AIM2: variants seen among roughly 807,000 people sequenced by gnomAD.
The protein encoded by AIM2 is absent in melanoma 2, also known as interferon-inducible protein AIM2.
A neutral mutation model predicts 27.7 loss-of-function variants in AIM2; 30 were observed. The ratio of observed to expected loss-of-function variants is 1.08; its 90% CI spans 0.81 to 1.47. The LOEUF is 1.47. AIM2 is among the 40% of genes most tolerant of loss of function. The pLI is 0.00. For missense variants in AIM2, 358 were observed against 411.3 expected (o/e 0.87, Z 1.12); for synonymous variants, 141 against 145.3 (o/e 0.97, Z 0.21).
At chr1:159,134,272 G>C (rs1035363724) in intron 1 of AIM2, among the ~76,000 whole-genome samples, 2 of 152,134 alleles carry the variant, frequency 1.3e-5, no homozygotes, top group South Asian at 4.1e-4. Context: ...AACAACCTCT[G>C]GTGGTAACTT....
chr1:159,122,605 G>C (rs1647566211), intron 1 of AIM2, among the ~76,000 whole-genome samples: 1 of 152,130 alleles, frequency 6.6e-6, no homozygotes, highest in South Asian at 2.1e-4. Context: ...GGATCCACTT[G>C]TTCAGAAAAA....
intron 1 of AIM2, among the ~76,000 whole-genome samples, chr1:159,140,193 AG>A (rs1357606710): frequency 6.6e-6 from 1 of 152,190 alleles, no homozygotes; most frequent in Non-Finnish European, 1.5e-5. Context: ...TGTCCTCCAA[AG>A]GGCATATCTA....
rs765877113 is a variant in AIM2, at chr1:159,063,651, T to A, written c.840A>T (p.Ile280=). The A allele has an allele frequency of 2.1e-5, 34 of 1,611,878 alleles. No homozygotes were observed. Among genetic ancestry groups the A allele is most frequent in the Non-Finnish European group, 2.8e-5 (33 of 1,179,082 alleles). Residue 280 remains isoleucine (I), a synonymous_variant, in exon 5 of 6, where the codon ATA becomes ATT. Transcript: ENST00000368130. ...CAGTGTTGTCACTTAGGTCAAATAA[T>A]ATGTTTTTCTTCTTTTCTGTTACCT... The part of the protein sequence containing the change: ...VQKVTEKKKN[I]LFDLSDNTGK...
chr1:159,109,250 A>G (rs1657516342), intron 1 of AIM2, among the ~76,000 whole-genome samples: 1 of 152,126 alleles, frequency 6.6e-6, no homozygotes, highest in African/African-American at 2.4e-5. Flanking sequence ...CCAGAAATAA[A>G]CCCAAATACT....
chr1:159,092,405 C>T (rs997413188), intron 1 of AIM2, among the ~76,000 whole-genome samples: 19 of 152,184 alleles, frequency 1.2e-4, no homozygotes, highest in Admixed American at 2.6e-4. Context: ...CAAAAACATA[C>T]TCCGCAATTA....
rs1395116996 is a variant in AIM2 at position 159,140,364 on chromosome 1, C to T, written c.-16+67G>A. 8.5e-5 allele frequency: 13 copies of T among 152,202 alleles called. 2 individuals carry two copies. The highest frequency in any genetic ancestry group is 6.5e-4 in the Admixed American group (10 of 15,290). 9.4% of individuals were successfully genotyped at this position (152,202 alleles called of 1,614,324 possible). The stretch of plus-strand genomic sequence containing the variant: ...AGTTTCCATTTGCTATAAACATGCA[C>T]ACATGGAAGCAGCAAACATCAATCT... On this transcript the variant is annotated intron_variant, in intron 1 of 2. Transcript: ENST00000368129.
intron 1 of AIM2, among the ~76,000 whole-genome samples, chr1:159,096,105 G>A (rs1339673136): frequency 6.6e-6 from 1 of 152,178 alleles, no homozygotes; most frequent in Non-Finnish European, 1.5e-5. Context: ...AAGGGTGCTG[G>A]TTCCTGATTC....
intron 1 of AIM2, among the ~76,000 whole-genome samples, chr1:159,084,963 A>T (rs1656872085): frequency 6.6e-6 from 1 of 152,162 alleles, no homozygotes; most frequent in South Asian, 2.1e-4. Context: ...AAACCAGGCA[A>T]CAAAACTATT....
intron 1 of AIM2, among the ~76,000 whole-genome samples, chr1:159,084,724 G>C (rs995687039): frequency 6.6e-6 from 1 of 150,682 alleles, no homozygotes; most frequent in South Asian, 2.1e-4. Flanking sequence ...GCAGTGAGTG[G>C]TGATCAAACC....
At chr1:159,060,144 T>A (rs537737749), downstream of AIM2, among the ~76,000 whole-genome samples, 1 of 152,380 alleles carries the variant, frequency 6.6e-6, no homozygotes, top group African/African-American at 2.4e-5. Context: ...TAATTACTAG[T>A]AATGTTGCCA....
intron 1 of AIM2, among the ~76,000 whole-genome samples, chr1:159,116,483 T>C (rs370881840): frequency 2.0e-5 from 3 of 152,190 alleles, no homozygotes; most frequent in South Asian, 2.1e-4. Context: ...CACATATACA[T>C]CATGGAATAC....
chr1:159,145,710 A>G (rs1648188743), intron 1 of AIM2, among the ~76,000 whole-genome samples: 1 of 152,058 alleles, frequency 6.6e-6, no homozygotes, highest in African/African-American at 2.4e-5. Context: ...ACAGAGGTCA[A>G]CTCCCTAAGG....
intron 2 of AIM2, among the ~76,000 whole-genome samples, chr1:159,072,993 T>G (rs564142867): frequency 6.6e-6 from 1 of 152,296 alleles, no homozygotes; most frequent in East Asian, 1.9e-4. Flanking sequence ...AGATGTTAAA[T>G]GGAAGTGGTA....
intron 2 of AIM2, 127 bp from the exon 3 acceptor site, chr1:159,068,828 T>TAA: frequency 2.0e-6 from 2 of 991,276 alleles, no homozygotes; most frequent in South Asian, 1.7e-5. Flanking sequence ...TAATTTTTCT[T>TAA]AAAAAAAAAT....
chr1:159,095,574 T>G (rs1015169959), intron 1 of AIM2, among the ~76,000 whole-genome samples: 1 of 152,234 alleles, frequency 6.6e-6, no homozygotes, highest in Non-Finnish European at 1.5e-5. Context: ...CACTTTTTTC[T>G]GGACCTTCCT....
At chr1:159,140,465 C>G (rs746937976) in exon 1 of AIM2, 2 of 152,382 alleles carry the variant, frequency 1.3e-5, no homozygotes, top group Non-Finnish European at 2.9e-5. Flanking sequence ...CCTCTGTGGA[C>G]TTTCCCGCCT....
chr1:159,071,997 G>A (rs907145099), intron 2 of AIM2, among the ~76,000 whole-genome samples: 2 of 152,130 alleles, frequency 1.3e-5, no homozygotes, highest in African/African-American at 4.8e-5. Context: ...GGGAAATTTT[G>A]TTCTATCCTG....
At chr1:159,100,082 C>T (rs1177379049) in intron 1 of AIM2, among the ~76,000 whole-genome samples, 1 of 152,242 alleles carries the variant, frequency 6.6e-6, no homozygotes, top group Non-Finnish European at 1.5e-5. Context: ...CTGGCAAAAT[C>T]ATCATGCAAA....
intron 1 of AIM2, among the ~76,000 whole-genome samples, chr1:159,076,401 A>T (rs1656610901): frequency 6.6e-6 from 1 of 152,214 alleles, no homozygotes; most frequent in Admixed American, 6.5e-5. Flanking sequence ...AGGCTGATAG[A>T]CAAACCCCAA....
Sources: gnomAD v4.1 joint callset for allele counts (sites outside exome capture counted in the v4.1 genomes callset) on GRCh38, gnomAD v4.1.1 for gene constraint, MANE v1.5 for transcripts, NCBI Gene and HGNC (gene_info 2026-07-23, HGNC 2026-07-21) for gene names.